The following LANCL1 variants were observed in gnomAD, a reference collection of about 807,000 sequenced individuals.
LANCL1 encodes glutathione S-transferase LANCL1.
In LANCL1, 50 loss-of-function variants were observed where a neutral mutation model predicts 50.6. The ratio of observed to expected loss-of-function variants is 0.99; its 90% CI spans 0.79 to 1.25. The LOEUF (loss-of-function observed/expected upper bound fraction) is 1.25, where lower values mean the gene tolerates loss of function less well. LANCL1 is among the 50% of genes most tolerant of loss of function. LANCL1 has a pLI of 0.00. For missense variants in LANCL1, 532 were observed against 480.7 expected (o/e 1.11, Z -1.00); for synonymous variants, 188 against 178.6 (o/e 1.05, Z -0.42).
At chr2:210,440,058 T>G (rs1159181322) in intron 6 of LANCL1, among the ~76,000 whole-genome samples, 2 of 152,220 alleles carry the variant, frequency 1.3e-5, no homozygotes, top group African/African-American at 4.8e-5. Context: ...TTGACTTTGG[T>G]TGATGTGCCC....
chr2:210,472,334 C>A (rs1194533825), intron 2 of LANCL1, among the ~76,000 whole-genome samples: 1 of 152,190 alleles, frequency 6.6e-6, no homozygotes, highest in South Asian at 2.1e-4. Flanking sequence ...TAAACTGGCT[C>A]ACAGTAATTT....
At chr2:210,467,335 T>C (rs1273547805) in intron 3 of LANCL1, among the ~76,000 whole-genome samples, 2 of 152,150 alleles carry the variant, frequency 1.3e-5, no homozygotes, top group Non-Finnish European at 2.9e-5. Context: ...GTTCCTGCCT[T>C]TCCTGCCTTC....
intron 3 of LANCL1, chr2:210,471,689 A>G: frequency 1.6e-6 from 1 of 627,792 alleles, no homozygotes; most frequent in Non-Finnish European, 3.0e-6. Flanking sequence ...TTGAAAATCA[A>G]TTTTTCTCCT....
intron 6 of LANCL1, among the ~76,000 whole-genome samples, chr2:210,439,550 A>G (rs897076316): frequency 6.6e-5 from 10 of 152,234 alleles, no homozygotes; most frequent in Admixed American, 2.0e-4. Context: ...ATGCACCAGA[A>G]AAATAAAGAA....
chr2:210,445,426 T>C (rs1693289315), intron 4 of LANCL1, among the ~76,000 whole-genome samples: 1 of 152,192 alleles, frequency 6.6e-6, no homozygotes, highest in South Asian at 2.1e-4. Flanking sequence ...AAATACAGTA[T>C]TGCTCAGAGC....
In LANCL1 at chr2:210,432,602, A is replaced by C. The variant is rs985535893; in HGVS notation, c.*1885T>G. The stretch of plus-strand genomic sequence containing the variant: ...TGATCAAGTCTTCTCTGGCTCAGAG[A>C]AACTGTTATTTTTCCCTTGCTTAGT... On this transcript the variant is annotated 3_prime_UTR_variant, in exon 10 of 10. Coordinates refer to ENST00000450366, the MANE Select transcript of LANCL1 (RefSeq NM_006055.3). 4.6e-5 allele frequency: 7 copies of C among 152,182 alleles called. No individual in the cohort carries two copies. The highest frequency in any genetic ancestry group is 1.7e-4 in the African/African-American group (7 of 41,436). 9.4% of individuals were successfully genotyped at this position (152,182 alleles called of 1,614,324 possible).
At chr2:210,442,164 A>G (rs1693160328) in intron 4 of LANCL1, among the ~76,000 whole-genome samples, 1 of 152,174 alleles carries the variant, frequency 6.6e-6, no homozygotes, top group Non-Finnish European at 1.5e-5. Context: ...TCAGCCTCCC[A>G]AAGTGCTGGG....
In LANCL1 at chr2:210,441,179, C is replaced by T. The variant is rs113656517; in HGVS notation, c.543+129G>A. On this transcript the variant is annotated intron_variant, in intron 5 of 9. Coordinates refer to ENST00000450366, the MANE Select transcript of LANCL1 (RefSeq NM_006055.3). ...CTATTGGTTCTTGGACTGTGCCCAA[C>T]CTTTAGAGGTCCAGATACACCTTCC... 343 of 934,358 alleles carry T rather than the reference C, an allele frequency of 3.7e-4. 2 individuals are homozygous for T. The African/African-American group carries it at 5.3e-3, about 14-fold the overall frequency. The allele number at this position is 934,358 out of a possible 1,614,324, so 57.9% of individuals were successfully genotyped here. A position where few individuals can be genotyped will look rare whatever the true frequency, so the allele number is the denominator to read the frequency against.
intron 7 of LANCL1, among the ~76,000 whole-genome samples, 169 bp from the exon 8 acceptor site, chr2:210,436,561 C>T (rs1692941919): frequency 6.6e-6 from 1 of 152,118 alleles, no homozygotes; most frequent in African/African-American, 2.4e-5. Context: ...CTAAAATCGA[C>T]TAGTTTGGCT....
At chr2:210,444,904 G>A (rs1025699356) in intron 4 of LANCL1, among the ~76,000 whole-genome samples, 3 of 151,704 alleles carry the variant, frequency 2.0e-5, no homozygotes, top group African/African-American at 4.8e-5. Context: ...TTTTGAATAC[G>A]AATTTTAAAT....
intron 4 of LANCL1, among the ~76,000 whole-genome samples, chr2:210,449,276 GA>G (rs1693439803): frequency 6.6e-6 from 1 of 152,180 alleles, no homozygotes; most frequent in African/African-American, 2.4e-5. Context: ...AATAGATGCA[GA>G]AAAGGCCTTC....
chr2:210,457,627 C>G (rs1693710619), intron 3 of LANCL1, among the ~76,000 whole-genome samples: 1 of 152,148 alleles, frequency 6.6e-6, no homozygotes, highest in Non-Finnish European at 1.5e-5. Context: ...AAAAATTATA[C>G]AGTACTGAAA....
chr2:210,458,888 T>G (rs534942278), intron 3 of LANCL1, among the ~76,000 whole-genome samples: 1 of 152,308 alleles, frequency 6.6e-6, no homozygotes, highest in South Asian at 2.1e-4. Context: ...AAGAATGATG[T>G]AGGCAGTTTC....
intron 1 of LANCL1, 84 bp from the exon 2 acceptor site, chr2:210,476,496 C>T: frequency 1.4e-6 from 2 of 1,463,516 alleles, no homozygotes; most frequent in Non-Finnish European, 1.8e-6. Flanking sequence ...CCCAGGTATC[C>T]CCCTTCCTCC....
At position 210,441,332 on chromosome 2, in the gene LANCL1, C is replaced by T; in HGVS notation, c.519G>A (p.Lys173=). 1.2e-6 allele frequency: 2 copies of T among 1,612,632 alleles called. No homozygotes were observed. The highest frequency in any genetic ancestry group is 1.7e-6 in the Non-Finnish European group (2 of 1,179,170). The change falls in exon 5 of 10, where the codon AAG becomes AAA. Residue 173 remains lysine, a synonymous_variant. Transcript: ENST00000450366. ...CCTGCTGAATATGGCTTTGAGGAAT[C>T]TTTTCCACTCCAAAGTTCTTATTGA... ...LFVNKNFGVE[K]IPQSHIQQIC... is the part of the protein sequence containing the mutation.
Position 210,431,980 on chromosome 2 carries a change from C to G in LANCL1, c.*2507G>C, listed in dbSNP as rs966509010. 3.9e-5 allele frequency: 6 copies of G among 152,122 alleles called. No homozygotes were observed. The highest frequency in any genetic ancestry group is 3.9e-4 in the Admixed American group (6 of 15,262). 9.4% of individuals were successfully genotyped at this position (152,122 alleles called of 1,614,324 possible). ...TGACAACCTTTGAAGGTTTTATTAC[C>G]TAGTCCCTGTATAGAGATAAGAGAT... On this transcript the variant is annotated 3_prime_UTR_variant, in exon 10 of 10. Coordinates refer to ENST00000450366, the MANE Select transcript of LANCL1 (RefSeq NM_006055.3).
At chr2:210,463,443 C>G (rs1444722918) in intron 3 of LANCL1, among the ~76,000 whole-genome samples, 2 of 152,086 alleles carry the variant, frequency 1.3e-5, no homozygotes, top group Non-Finnish European at 2.9e-5. Flanking sequence ...GCCTGGCATA[C>G]AACAGTAGTT....
At chr2:210,439,177 T>C (rs1180147724) in intron 6 of LANCL1, among the ~76,000 whole-genome samples, 1 of 152,248 alleles carries the variant, frequency 6.6e-6, no homozygotes, top group Non-Finnish European at 1.5e-5. Flanking sequence ...TTTATGTTGA[T>C]GAAGGCGTAC....
chr2:210,465,064 A>G (rs34374637), intron 3 of LANCL1, among the ~76,000 whole-genome samples: 19,898 of 152,084 alleles, frequency 0.13, 1,676 homozygotes, highest in African/African-American at 0.22. Context: ...GATGAAAAAT[A>G]ACTTCGTAAA....
Sources: allele counts gnomAD v4.1 joint callset (sites outside exome capture counted in the v4.1 genomes callset), GRCh38; gene constraint gnomAD v4.1.1; transcripts MANE v1.5; gene names NCBI Gene and HGNC (gene_info 2026-07-23, HGNC 2026-07-21).